UVRAG: variants seen among roughly 807,000 people sequenced by gnomAD.
The protein encoded by UVRAG is UV radiation resistance associated.
Under a neutral mutation model 78.0 loss-of-function variants are expected in UVRAG, and 19 were observed. The observed-to-expected ratio is 0.24, with a 90% CI of 0.17 to 0.36. The LOEUF is 0.36. UVRAG is among the 10% of genes least tolerant of loss of function. The pLI is 1.00. For missense variants in UVRAG, 740 were observed against 853.8 expected, an observed-to-expected ratio of 0.87 and a Z score of 1.66; for synonymous variants, 323 against 324.6, an observed-to-expected ratio of 1.00 and a Z score of 0.05.
At chr11:75,920,389 T>G (rs1947954450) in intron 6 of UVRAG, among the ~76,000 whole-genome samples, 1 of 152,174 alleles carries the variant, frequency 6.6e-6, no homozygotes, top group Non-Finnish European at 1.5e-5. Context: ...CAGCACATTT[T>G]ATTCTTCTTT....
intron 12 of UVRAG, among the ~76,000 whole-genome samples, chr11:76,023,867 C>A (rs1017113585): frequency 6.6e-6 from 1 of 152,016 alleles, no homozygotes; most frequent in Non-Finnish European, 1.5e-5. Flanking sequence ...AGATGTTTCC[C>A]TGGAGGGATA....
intron 14 of UVRAG, among the ~76,000 whole-genome samples, chr11:76,136,841 A>C (rs1952606102): frequency 6.6e-6 from 1 of 152,130 alleles, no homozygotes; most frequent in African/African-American, 2.4e-5. Context: ...TTAAAATCAA[A>C]GTCTGAAAGG....
At chr11:76,122,864 G>A (rs1017913098) in intron 14 of UVRAG, among the ~76,000 whole-genome samples, 1 of 152,174 alleles carries the variant, frequency 6.6e-6, no homozygotes, top group African/African-American at 2.4e-5. Flanking sequence ...ATAGTTAGAA[G>A]TTACGAATAA....
intron 12 of UVRAG, among the ~76,000 whole-genome samples, chr11:76,019,284 A>G (rs915351656): frequency 2.0e-5 from 3 of 152,190 alleles, no homozygotes; most frequent in Non-Finnish European, 2.9e-5. Context: ...CAAAACGGCT[A>G]TTTTGAATTC....
intron 12 of UVRAG, among the ~76,000 whole-genome samples, chr11:76,020,191 G>A (rs1172975612): frequency 6.6e-6 from 1 of 152,110 alleles, no homozygotes; most frequent in East Asian, 1.9e-4. Flanking sequence ...GTTAGCTTGT[G>A]GCGAATGCTG....
intron 6 of UVRAG, among the ~76,000 whole-genome samples, chr11:75,951,392 G>A (rs192370647): frequency 1.3e-5 from 2 of 149,014 alleles, no homozygotes; most frequent in Non-Finnish European, 3.0e-5. Context: ...TTGTTTGTTT[G>A]TTTTTTTGAG....
chr11:75,837,452 T>C (rs1490194793), intron 1 of UVRAG: 1 of 152,090 alleles, frequency 6.6e-6, no homozygotes, highest in East Asian at 1.9e-4. Context: ...ACTTATAATA[T>C]CTAATGCAAG....
At chr11:76,133,873 C>T (rs1232509898) in intron 14 of UVRAG, among the ~76,000 whole-genome samples, 1 of 151,606 alleles carries the variant, frequency 6.6e-6, no homozygotes, top group Non-Finnish European at 1.5e-5. Context: ...GATTGTGTTT[C>T]ACATTGAACA....
chr11:76,084,733 G>T (rs560471533), intron 13 of UVRAG, among the ~76,000 whole-genome samples: 1 of 152,126 alleles, frequency 6.6e-6, no homozygotes, highest in African/African-American at 2.4e-5. Context: ...AGAAGAAGTT[G>T]CTTTATGTGA....
At chr11:75,844,813 A>G (rs2134712619) in intron 1 of UVRAG, among the ~76,000 whole-genome samples, 1 of 151,876 alleles carries the variant, frequency 6.6e-6, no homozygotes, top group Non-Finnish European at 1.5e-5. Flanking sequence ...AGCTGGAACT[A>G]CATTCATGTG....
chr11:75,917,778 A>G (rs1404494887), intron 6 of UVRAG, among the ~76,000 whole-genome samples: 4 of 152,126 alleles, frequency 2.6e-5, no homozygotes, highest in Admixed American at 6.6e-5. Flanking sequence ...TGGTTTCTCT[A>G]ATTTTTCTTC....
chr11:75,962,632 CTGTTAAACCACCTCT>C (rs1166653851), intron 7 of UVRAG, among the ~76,000 whole-genome samples: 2 of 152,132 alleles, frequency 1.3e-5, no homozygotes, highest in Non-Finnish European at 2.9e-5. Flanking sequence ...TTCAAAGGTG[CTGTTAAACCACCTCT>C]TGTTGTAACT....
chr11:75,912,510 C>T (rs908531539), intron 6 of UVRAG, among the ~76,000 whole-genome samples: 9 of 152,214 alleles, frequency 5.9e-5, no homozygotes, highest in Admixed American at 3.3e-4. Flanking sequence ...TTAAAGGCCT[C>T]AGCTCTATAT....
At chr11:75,994,799 C>T (rs905901542) in intron 8 of UVRAG, among the ~76,000 whole-genome samples, 3 of 152,156 alleles carry the variant, frequency 2.0e-5, no homozygotes, top group African/African-American at 7.2e-5. Flanking sequence ...CGGGTCAACT[C>T]ACAGTTTGCT....
At chr11:76,041,129 A>C (rs538531523) in intron 12 of UVRAG, among the ~76,000 whole-genome samples, 139 of 152,364 alleles carry the variant, frequency 9.1e-4, no homozygotes, top group African/African-American at 3.1e-3. Flanking sequence ...ACTCAATTAA[A>C]AAATTATCAA....
chr11:76,134,554 A>T (rs1430792955), intron 14 of UVRAG, among the ~76,000 whole-genome samples: 1 of 152,150 alleles, frequency 6.6e-6, no homozygotes, highest in Non-Finnish European at 1.5e-5. Context: ...GAGAAACAGT[A>T]AAGGGAAGGA....
At chr11:75,961,597 A>T (rs768001012) in intron 7 of UVRAG, 48 bp downstream of exon 7, 2 of 1,428,674 alleles carry the variant, frequency 1.4e-6, no homozygotes, top group Non-Finnish European at 1.9e-6. Flanking sequence ...TTTCTAAAGG[A>T]GAGTATCATA....
intron 10 of UVRAG, 58 bp from the exon 11 acceptor site, chr11:76,008,748 AT>A (rs1391247129): frequency 2.0e-6 from 2 of 986,014 alleles, no homozygotes; most frequent in Non-Finnish European, 3.0e-6. Context: ...CTGATCTGAG[AT>A]TTAACTTAGA....
intron 12 of UVRAG, among the ~76,000 whole-genome samples, chr11:76,019,944 A>G (rs1421091644): frequency 6.6e-6 from 1 of 152,134 alleles, no homozygotes; most frequent in Non-Finnish European, 1.5e-5. Context: ...GCCCCTGAGC[A>G]GGTCCAGAGA....
Sources: allele counts gnomAD v4.1 joint callset (sites outside exome capture counted in the v4.1 genomes callset), GRCh38; gene constraint gnomAD v4.1.1; transcripts MANE v1.5; gene names NCBI Gene and HGNC (gene_info 2026-07-23, HGNC 2026-07-21).